PIEZO2: variants seen among roughly 807,000 people sequenced by gnomAD.
The protein encoded by PIEZO2 is piezo-type mechanosensitive ion channel component 2.
In PIEZO2, 172 loss-of-function variants were observed where a neutral mutation model predicts 337.3. That is an observed-to-expected ratio of 0.51 (90% CI 0.45 to 0.58). PIEZO2 has a LOEUF of 0.58. PIEZO2 is among the 20% of genes least tolerant of loss of function. The pLI, the probability that PIEZO2 is intolerant of heterozygous loss-of-function variation, is 0.00. For synonymous variants in PIEZO2, 1,251 were observed against 1,228.5 expected (o/e 1.02, Z -0.38); for missense variants, 3,028 against 3,391.3 (o/e 0.89, Z 2.66).
intron 34 of PIEZO2, among the ~76,000 whole-genome samples, chr18:10,735,875 G>A (rs1007909984): frequency 6.6e-6 from 1 of 152,112 alleles, no homozygotes; most frequent in East Asian, 1.9e-4. Context: ...GTGCCTCGTA[G>A]GAAAACAAAT....
chr18:10,676,959 A>G lies in PIEZO2; in HGVS notation c.8081+788T>C, dbSNP rs2143444316. Among the ~76,000 whole-genome samples the G allele has an allele frequency of 6.6e-6, 1 of 152,296 alleles. No homozygotes were observed. The highest frequency in any genetic ancestry group is 6.5e-5 in the Admixed American group (1 of 15,304). On this transcript the variant is annotated intron_variant, in intron 53 of 55. Transcript: ENST00000674853. The surrounding 1 kb of genome is among the most constrained non-coding windows in gnomAD (Gnocchi z 5.1). ...AATGCGATACCACTGGGCACATACTATGTTGGGCCATATGAACCCAGGTGG... is the reference window on the plus strand; with the variant it reads ...AATGCGATACCACTGGGCACATACTGTGTTGGGCCATATGAACCCAGGTGG...
rs757966988 is a variant in PIEZO2 at position 10,689,539 on chromosome 18, G to A, written c.7497+116C>T. 4.4e-6 allele frequency: 6 copies of A among 1,354,188 alleles called. No homozygotes were observed. In the Admixed American group the frequency reaches 5.3e-5, roughly 12 times the overall value. 83.9% of individuals were successfully genotyped at this position (1,354,188 alleles called of 1,614,324 possible). ...TTGGAAATCACTGGGACATTTATAG[G>A]TTGTGGTAGTTTTTGCCTCATGCCT... On this transcript the variant is annotated intron_variant, in intron 49 of 55. Transcript: ENST00000674853.
rs886731067 is a variant in PIEZO2 at position 10,970,004 on chromosome 18, A to C, written c.286+9531T>G. On this transcript the variant is annotated intron_variant, in intron 3 of 55. Coordinates refer to ENST00000674853, the MANE Select transcript of PIEZO2 (RefSeq NM_001378183.1). The stretch of plus-strand genomic sequence containing the variant: ...CTGTGGTCAGTGCTCAGGTTACAAA[A>C]AAAAATGAAACATGAGAGGTTCTAC... Among the ~76,000 whole-genome samples, 10 of 152,256 alleles carry C rather than the reference A, an allele frequency of 6.6e-5. No homozygotes were observed. The East Asian group carries it at 7.7e-4, about 12-fold the overall frequency.
intron 1 of PIEZO2, among the ~76,000 whole-genome samples, chr18:11,114,897 A>C (rs1250867954): frequency 6.6e-6 from 1 of 152,208 alleles, no homozygotes; most frequent in Non-Finnish European, 1.5e-5. Flanking sequence ...CTTAGCTCTT[A>C]AATCAGATAA....
At position 10,677,237 on chromosome 18, in the gene PIEZO2, A is replaced by G. The variant is rs1453357652; in HGVS notation, c.8081+510T>C. Among the ~76,000 whole-genome samples the G allele has an allele frequency of 6.6e-6, 1 of 152,054 alleles. No individual in the cohort carries two copies. The highest frequency in any genetic ancestry group is 2.4e-5 in the African/African-American group (1 of 41,386). On this transcript the variant is annotated intron_variant, in intron 53 of 55. Transcript: ENST00000674853. The surrounding 1 kb of genome is among the most constrained non-coding windows in gnomAD (Gnocchi z 4.1). The stretch of plus-strand genomic sequence containing the variant: ...TTTATTATTTATTTATTTATTTTTG[A>G]AATGGAGTCTCACTCTGTTGCCCAG...
intron 1 of PIEZO2, among the ~76,000 whole-genome samples, chr18:11,145,914 CT>C (rs1472304250): frequency 3.3e-5 from 5 of 152,180 alleles, no homozygotes; most frequent in African/African-American, 1.2e-4. Context: ...CCTCTGCTTT[CT>C]CCTGGATGAG....
Position 10,995,707 on chromosome 18 carries a change from C to T in PIEZO2, c.161-16047G>A, listed in dbSNP as rs552271753. Among the ~76,000 whole-genome samples the T allele has an allele frequency of 3.3e-5, 5 of 152,326 alleles. No individual in the cohort carries two copies. In the South Asian group the frequency reaches 6.2e-4, roughly 19 times the overall value. On this transcript the variant is annotated intron_variant, in intron 2 of 55. Transcript: ENST00000674853. ...TTAACTGTCAGTCAAAGCTGTACCA[C>T]GAAAAACCACACATCTCACATAGGC...
chr18:11,053,310 C>A (rs1344854468), intron 2 of PIEZO2, among the ~76,000 whole-genome samples: 2 of 152,164 alleles, frequency 1.3e-5, no homozygotes, highest in African/African-American at 4.8e-5. Context: ...TTTCATATTT[C>A]TTTACTAATA....
At chr18:10,914,452 C>T (rs1165412045) in intron 3 of PIEZO2, among the ~76,000 whole-genome samples, 2 of 152,058 alleles carry the variant, frequency 1.3e-5, no homozygotes, top group Non-Finnish European at 2.9e-5. Context: ...TTGTATATAA[C>T]CTTGCAGCCC....
Position 10,682,365 on chromosome 18 carries a change from G to T in PIEZO2, c.7498-73C>A. On this transcript the variant is annotated intron_variant, in intron 49 of 55. Transcript: ENST00000674853. The surrounding 1 kb of genome is among the most constrained non-coding windows in gnomAD (Gnocchi z 5.6). ...TCCCGCAGGCAGCGGGATTGGGGGA[G>T]AGCGAGTGCTCTTCCTGTGGTGCTG... 1 of 1,317,470 alleles carries T rather than the reference G, an allele frequency of 7.6e-7. No homozygotes were observed. Among genetic ancestry groups the T allele is most frequent in the South Asian group, 1.4e-5 (1 of 69,884 alleles). The allele number at this position is 1,317,470 out of a possible 1,614,324, so 81.6% of individuals were successfully genotyped here.
chr18:10,762,893 A>G (rs1316412021), intron 22 of PIEZO2, 29 bp downstream of exon 22: 1 of 1,531,048 alleles, frequency 6.5e-7, no homozygotes, highest in Non-Finnish European at 8.8e-7. Context: ...AAGGGCAGTC[A>G]GGAATATTCC....
chr18:10,868,303 CAAGATTTAT>C (rs2042056483), intron 5 of PIEZO2, among the ~76,000 whole-genome samples: 1 of 152,118 alleles, frequency 6.6e-6, no homozygotes, highest in Non-Finnish European at 1.5e-5. Context: ...GTGCAAACTC[CAAGATTTAT>C]AAGCAGCAGG....
intron 8 of PIEZO2, 33 bp downstream of exon 8, chr18:10,807,079 C>A (rs1230604489): frequency 3.3e-6 from 5 of 1,516,836 alleles, no homozygotes; most frequent in Non-Finnish European, 4.4e-6. Flanking sequence ...GGTTACTTTG[C>A]AGACAAGATC....
chr18:10,809,277 T>C (rs975109383), intron 7 of PIEZO2, among the ~76,000 whole-genome samples: 9 of 133,976 alleles, frequency 6.7e-5, no homozygotes, highest in African/African-American at 2.4e-4. Context: ...TTTTTTTTTT[T>C]TTTTTTTTTT....
In PIEZO2 at chr18:11,096,696, A is replaced by G. The variant is rs2039271851; in HGVS notation, c.65-30474T>C. ...TACCTCTTGTCTTTCAAGGAGATAT[A>G]TCTAAAAACTGTGGAAGTGAAAGAC... On this transcript the variant is annotated intron_variant, in intron 1 of 55. Transcript: ENST00000674853. This position sits in a 1 kb window ranked among gnomAD's most constrained non-coding sequence, Gnocchi z 4.6. 6.6e-6 allele frequency among the ~76,000 whole-genome samples: 1 copy of G among 152,200 alleles called. No homozygotes were observed. The highest frequency in any genetic ancestry group is 1.9e-4 in the East Asian group (1 of 5,192).
chr18:11,119,673 C>T (rs1458073936), intron 1 of PIEZO2, among the ~76,000 whole-genome samples: 1 of 152,158 alleles, frequency 6.6e-6, no homozygotes, highest in African/African-American at 2.4e-5. Flanking sequence ...AAATACAGCA[C>T]TTGAACCACC....
chr18:11,072,743 T>C (rs1471341897), intron 1 of PIEZO2, among the ~76,000 whole-genome samples: 1 of 152,126 alleles, frequency 6.6e-6, no homozygotes, highest in Non-Finnish European at 1.5e-5. Context: ...GGATCCTGAG[T>C]CTGTGCTGTC....
intron 1 of PIEZO2, among the ~76,000 whole-genome samples, chr18:11,137,306 G>A (rs148764954): frequency 4.1e-4 from 63 of 152,234 alleles, no homozygotes; most frequent in African/African-American, 1.3e-3. Flanking sequence ...ATGTACATAC[G>A]ATGGTTATTA....
rs887717708 is a variant in PIEZO2 at position 10,759,413 on chromosome 18, G to A, written c.3757+69C>T. 2.5e-5 allele frequency: 33 copies of A among 1,309,700 alleles called. No homozygotes were observed. The highest frequency in any genetic ancestry group is 8.0e-5 in the Admixed American group (4 of 50,304). The allele number at this position is 1,309,700 out of a possible 1,614,324, so 81.1% of individuals were successfully genotyped here. ...GGAAGACAAAAGGCACTAATGCATA[G>A]CACGTGAACAATGATTAACAGTAAA... On this transcript the variant is annotated intron_variant, in intron 26 of 55. Coordinates refer to ENST00000674853, the MANE Select transcript of PIEZO2 (RefSeq NM_001378183.1). This position sits in a 1 kb window ranked among gnomAD's most constrained non-coding sequence, Gnocchi z 5.5.
Sources: allele counts gnomAD v4.1 joint callset (sites outside exome capture counted in the v4.1 genomes callset), GRCh38; gene constraint gnomAD v4.1.1; non-coding constraint Gnocchi (gnomAD v3.1); transcripts MANE v1.5; gene names NCBI Gene and HGNC (gene_info 2026-07-23, HGNC 2026-07-21).